Variants in COL4A1 observed in about 807,000 individuals in gnomAD.
The protein encoded by COL4A1 is collagen type IV alpha 1 chain.
A neutral mutation model predicts 216.6 loss-of-function variants in COL4A1; 40 were observed. That is an observed-to-expected ratio of 0.18 (90% CI 0.14 to 0.24). The LOEUF is 0.24. Among genes scored for constraint, COL4A1 ranks in the 10% least tolerant of loss-of-function variants. The probability of loss-of-function intolerance (pLI) is 1.00; values close to 1 mark genes in which losing one functional copy is unlikely to be tolerated. For synonymous variants in COL4A1, 839 were observed against 810.7 expected (o/e 1.03, Z -0.59); for missense variants, 1,628 against 2,196.8 (o/e 0.74, Z 5.18).
chr13:110,192,865 C>G lies in COL4A1; in HGVS notation c.1430G>C (p.Gly477Ala). Residue 477 changes from glycine (G) to alanine (A), a missense_variant, in exon 23 of 52, where the codon GGG becomes GCG. By Grantham distance (60) the Gly-to-Ala change is moderately conservative (BLOSUM62 0). Transcript: ENST00000375820. ...CLICDIDGYR[G>A]PPGPQGPPGE... ...CGGGGGTCCCTGTGGCCCGGGAGGC[C>G]CCCGATATCCGTCTATATCACAGAT... 1 of 1,614,100 alleles carries G rather than the reference C, an allele frequency of 6.2e-7. No individual in the cohort carries two copies. Among genetic ancestry groups the G allele is most frequent in the African/African-American group, 1.3e-5 (1 of 75,036 alleles).
chr13:110,192,933 G>C lies in COL4A1; in HGVS notation c.1382-20C>G. 8 of 1,609,880 alleles carry C rather than the reference G, an allele frequency of 5.0e-6. No homozygotes were observed. Among genetic ancestry groups the C allele is most frequent in the South Asian group, 1.1e-5 (1 of 90,954 alleles). ...TTTGACCTAAAAAAGAAAACACAAAGGTGCTTACGTGTAACATGTGACCAG... is the reference window on the plus strand; with the variant it reads ...TTTGACCTAAAAAAGAAAACACAAACGTGCTTACGTGTAACATGTGACCAG... On this transcript the variant is annotated intron_variant, in intron 22 of 51. Coordinates refer to ENST00000375820, the MANE Select transcript of COL4A1 (RefSeq NM_001845.6).
chr13:110,158,504 T>C (rs903017015), intron 49 of COL4A1, among the ~76,000 whole-genome samples: 15 of 152,182 alleles, frequency 9.9e-5, no homozygotes, highest in African/African-American at 2.7e-4. Context: ...ACTCCAAGCA[T>C]TTGCTTCCCT....
chr13:110,159,261 C>T (rs8002698), intron 49 of COL4A1, among the ~76,000 whole-genome samples: 114,019 of 142,016 alleles, frequency 0.8, 43,699 homozygotes, highest in Non-Finnish European at 0.86. Context: ...GGAGCAAAAA[C>T]TGGTGGAACT....
chr13:110,252,462 A>G (rs74184624), intron 1 of COL4A1, among the ~76,000 whole-genome samples: 31,327 of 43,794 alleles, frequency 0.72, 10,455 homozygotes, highest in Middle Eastern at 0.88. Flanking sequence ...TATTATATAC[A>G]TATAATTATA....
intron 4 of COL4A1, 97 bp from the exon 5 acceptor site, chr13:110,212,715 T>C (rs1215797983): frequency 2.1e-6 from 3 of 1,438,128 alleles, no homozygotes; most frequent in East Asian, 2.3e-5. Flanking sequence ...GCCCTCATTT[T>C]TGGTGTCAGA....
chr13:110,194,990 A>C, intron 22 of COL4A1, 33 bp downstream of exon 22: 1 of 1,585,534 alleles, frequency 6.3e-7, no homozygotes, highest in East Asian at 2.2e-5. Flanking sequence ...GCAAAGACAC[A>C]ACCACCATTT....
At chr13:110,183,302 A>T in intron 26 of COL4A1, 26 bp from the exon 27 acceptor site, 1 of 1,602,208 alleles carries the variant, frequency 6.2e-7, no homozygotes, top group Non-Finnish European at 8.5e-7. Flanking sequence ...AGCAAAGACA[A>T]ACGATGAAGG....
intron 1 of COL4A1, among the ~76,000 whole-genome samples, chr13:110,288,680 C>T (rs1314484913): frequency 6.6e-6 from 1 of 152,186 alleles, no homozygotes; most frequent in Non-Finnish European, 1.5e-5. Flanking sequence ...CTCCCATGTC[C>T]TTGTGTAAAA....
In COL4A1 at chr13:110,252,595, C is replaced by T. The variant is rs1209593477; in HGVS notation, c.85-9861G>A. Among the ~76,000 whole-genome samples the T allele has an allele frequency of 2.4e-4, 9 of 36,974 alleles. 2 individuals are homozygous for T. The Admixed American group carries it at 2.8e-3, about 12-fold the overall frequency. The allele number at this position is 36,974 out of a possible 152,430, so 24.3% of individuals were successfully genotyped here. On this transcript the variant is annotated intron_variant, in intron 1 of 51. Transcript: ENST00000375820. ...TATGTATTATATACGTATAATTATA[C>T]GTATATATGTATTATATATGTATAA... is the stretch of plus-strand genomic sequence containing the variant.
chr13:110,253,730 CGTAT>C (rs201328386), intron 1 of COL4A1, among the ~76,000 whole-genome samples: 2,270 of 136,954 alleles, frequency 0.017, 95 homozygotes, highest in African/African-American at 0.06. Context: ...TATAATTATA[CGTAT>C]GTATGTATTA....
At chr13:110,262,903 C>T in intron 1 of COL4A1, among the ~76,000 whole-genome samples, 1 of 152,180 alleles carries the variant, frequency 6.6e-6, no homozygotes, top group East Asian at 1.9e-4. Flanking sequence ...CACTTGTGCC[C>T]TAAAGGCGGC....
chr13:110,196,353 C>T (rs1566365709), intron 21 of COL4A1, among the ~76,000 whole-genome samples: 1 of 152,160 alleles, frequency 6.6e-6, no homozygotes, highest in Non-Finnish European at 1.5e-5. Context: ...CTGGCACCAT[C>T]GTCTTAAACA....
rs867117624 is a variant in COL4A1, at chr13:110,307,098, G to C, written c.-71C>G. On this transcript the variant is annotated 5_prime_UTR_variant, in exon 1 of 52. Coordinates refer to ENST00000375820, the MANE Select transcript of COL4A1 (RefSeq NM_001845.6). The surrounding 1 kb of genome is among the most constrained non-coding windows in gnomAD (Gnocchi z 5.0). ...GGCCGCGGCGGACAGCTAGCTCTCG[G>C]AAGGCCGGACTTCCAGCGCTACGCA... The C allele has an allele frequency of 9.5e-5, 121 of 1,268,130 alleles. 1 individual carries two copies. In the Middle Eastern group the frequency reaches 1.4e-3, roughly 14 times the overall value. The allele number at this position is 1,268,130 out of a possible 1,614,324, so 78.6% of individuals were successfully genotyped here.
chr13:110,243,081 A>T (rs1484826687), intron 1 of COL4A1, among the ~76,000 whole-genome samples: 1 of 152,240 alleles, frequency 6.6e-6, no homozygotes, highest in African/African-American at 2.4e-5. Flanking sequence ...CCATATTTGC[A>T]AAGCTACCCA....
chr13:110,182,608 G>T (rs926041342), intron 28 of COL4A1, among the ~76,000 whole-genome samples: 11 of 152,162 alleles, frequency 7.2e-5, no homozygotes, highest in Non-Finnish European at 1.3e-4. Flanking sequence ...CGGAGCAAAG[G>T]CCCCTCCCTG....
rs1878041271 is a variant in COL4A1, at chr13:110,179,339, C to T, written c.2276G>A (p.Ser759Asn). The change falls in exon 30 of 52, where the codon AGC becomes AAC. Residue 759 changes from serine (S) to asparagine (N), a missense_variant. Physicochemically the swap from Ser to Asn is conservative, Grantham distance 46. Coordinates refer to ENST00000375820, the MANE Select transcript of COL4A1 (RefSeq NM_001845.6). ...TCCAGGAACGCCTGGTACCCCAATG[C>T]TCCCCTTCTCCCCGGGTGTGCCAGG... ...GIPGTPGEKG[S>N]IGVPGVPGEH... The T allele has an allele frequency of 1.2e-6, 2 of 1,614,144 alleles. No homozygotes were observed. Among genetic ancestry groups the T allele is most frequent in the South Asian group, 2.2e-5 (2 of 91,080 alleles).
chr13:110,239,092 C>G (rs1881446804), intron 2 of COL4A1, among the ~76,000 whole-genome samples: 1 of 152,054 alleles, frequency 6.6e-6, no homozygotes, highest in South Asian at 2.1e-4. Context: ...ATAAACAACT[C>G]AGCAAAGACT....
chr13:110,219,668 A>ATATGTATATGTG (rs1555307836), intron 2 of COL4A1, among the ~76,000 whole-genome samples: 1 of 45,418 alleles, frequency 2.2e-5, no homozygotes, highest in Non-Finnish European at 4.7e-5. Flanking sequence ...ATATGTATAT[A>ATATGTATATGTG]TATATATATG....
At chr13:110,254,400 T>C (rs542229266) in intron 1 of COL4A1, among the ~76,000 whole-genome samples, 4 of 152,288 alleles carry the variant, frequency 2.6e-5, no homozygotes, top group South Asian at 2.1e-4. Flanking sequence ...TGGGAAGTGA[T>C]ACACAGCACA....
Sources: gnomAD v4.1 joint callset for allele counts (sites outside exome capture counted in the v4.1 genomes callset) on GRCh38, gnomAD v4.1.1 for gene constraint, Gnocchi (gnomAD v3.1) non-coding constraint, MANE v1.5 for transcripts, NCBI Gene and HGNC (gene_info 2026-07-23, HGNC 2026-07-21) for gene names.